Variants in ACTR3C observed in about 807,000 individuals in gnomAD.
The protein encoded by ACTR3C is actin-related protein 3C.
A neutral mutation model predicts 26.3 loss-of-function variants in ACTR3C; 18 were observed. The observed-to-expected ratio is 0.68, with a 90% CI of 0.47 to 1.01. ACTR3C has a LOEUF of 1.01. Among genes scored for constraint, ACTR3C ranks in the 50% least tolerant of loss-of-function variants. The pLI is 0.00. For missense variants in ACTR3C, 184 were observed against 250.7 expected (o/e 0.73, Z 1.80); for synonymous variants, 55 against 94.5 (o/e 0.58, Z 2.42).
the ACTR3C span, among the ~76,000 whole-genome samples, chr7:149,929,688 A>T: frequency 6.6e-6 from 1 of 151,554 alleles, no homozygotes; most frequent in Admixed American, 6.6e-5. Flanking sequence ...GCACCACCAC[A>T]CCCAGCTAAT....
chr7:150,300,277 G>A (rs1311507508), intron 1 of ACTR3C, among the ~76,000 whole-genome samples: 6 of 152,044 alleles, frequency 3.9e-5, no homozygotes, highest in South Asian at 2.1e-4. Flanking sequence ...GCTTGAACCC[G>A]GGAGGCGGAG....
At chr7:150,005,989 C>G in the ACTR3C span, among the ~76,000 whole-genome samples, 2 of 152,062 alleles carry the variant, frequency 1.3e-5, no homozygotes, top group Admixed American at 6.5e-5. Flanking sequence ...TACGTAAGCC[C>G]TTGGCTGCTG....
chr7:150,111,331 G>C, the ACTR3C span, among the ~76,000 whole-genome samples: 1 of 107,176 alleles, frequency 9.3e-6, no homozygotes, highest in African/African-American at 4.5e-5. Flanking sequence ...CTGGTGCCCT[G>C]CTCCCAGGAC....
At chr7:150,295,043 G>A (rs926872550) in intron 2 of ACTR3C, among the ~76,000 whole-genome samples, 10 of 152,050 alleles carry the variant, frequency 6.6e-5, no homozygotes, top group Admixed American at 2.6e-4. Flanking sequence ...AGAGCCAGAC[G>A]ACGTCTATAC....
At chr7:150,278,434 A>T (rs1835060090) in intron 6 of ACTR3C, among the ~76,000 whole-genome samples, 1 of 152,236 alleles carries the variant, frequency 6.6e-6, no homozygotes, top group Non-Finnish European at 1.5e-5. Context: ...ACCATTGGAG[A>T]GCACGGACTC....
chr7:149,982,544 A>G, the ACTR3C span, among the ~76,000 whole-genome samples: 1 of 152,136 alleles, frequency 6.6e-6, no homozygotes, highest in African/African-American at 2.4e-5. Flanking sequence ...AAGAGTCAGA[A>G]AGCTTAAGCA....
the ACTR3C span, among the ~76,000 whole-genome samples, chr7:150,130,483 A>G: frequency 4.5e-4 from 68 of 152,328 alleles, no homozygotes; most frequent in Admixed American, 1.3e-3. Flanking sequence ...GCAATGTCCA[A>G]TAATAAACTG....
chr7:150,169,403 A>AAAG, the ACTR3C span, among the ~76,000 whole-genome samples: 18 of 145,354 alleles, frequency 1.2e-4, no homozygotes, highest in Admixed American at 4.0e-4. Flanking sequence ...AAAAAAAAAA[A>AAAG]AAGAAGAAGA....
intron 4 of ACTR3C, among the ~76,000 whole-genome samples, chr7:150,288,527 T>G (rs1436564573): frequency 3.5e-5 from 5 of 142,532 alleles, no homozygotes; most frequent in Admixed American, 6.8e-5. Context: ...GGATTATAGA[T>G]GTGAGCCACT....
At chr7:150,039,730 C>T in the ACTR3C span, among the ~76,000 whole-genome samples, 4 of 135,346 alleles carry the variant, frequency 3.0e-5, no homozygotes, top group Non-Finnish European at 3.3e-5. Context: ...CAGTCCCCAC[C>T]CTCGCGGGGG....
intron 6 of ACTR3C, among the ~76,000 whole-genome samples, chr7:150,249,683 G>A (rs1332644060): frequency 1.3e-5 from 2 of 152,192 alleles, no homozygotes; most frequent in African/African-American, 4.8e-5. Context: ...TCGAACTCCT[G>A]ACCTCAGGTG....
chr7:150,312,135 C>A (rs1318722647), intron 1 of ACTR3C, among the ~76,000 whole-genome samples: 2 of 152,194 alleles, frequency 1.3e-5, no homozygotes, highest in African/African-American at 2.4e-5. Context: ...TGCCTCCACA[C>A]CTGCTAATAT....
At chr7:150,246,390 GGGGTGCAGTGCATCATTAATAGAACA>G (rs931735117), downstream of ACTR3C, 4 of 152,146 alleles carry the variant, frequency 2.6e-5, no homozygotes, top group African/African-American at 7.2e-5. Flanking sequence ...AGACCCTGAT[GGGGTGCAGTGCATCATTAATAGAACA>G]GGGCATAAGG....
chr7:150,004,628 A>C, the ACTR3C span: 1 of 152,188 alleles, frequency 6.6e-6, no homozygotes, highest in East Asian at 1.9e-4. Context: ...GGAAAACCTT[A>C]CAGACACCAC....
chr7:150,280,829 T>TAC lies in ACTR3C; in HGVS notation c.564+3922_564+3923dup, dbSNP rs1554460132. Among the ~76,000 whole-genome samples, 725 of 150,466 alleles carry TAC rather than the reference T, an allele frequency of 4.8e-3. 6 individuals are homozygous for TAC. Among genetic ancestry groups the TAC allele is most frequent in the African/African-American group, 0.015 (598 of 40,468 alleles). ...GTGTGTGTGTGTGTGTATATATATA[T>TAC]ACACACACACACAATTTTTACTTGT... On this transcript the variant is annotated intron_variant, in intron 6 of 7. Transcript: ENST00000683684.
chr7:149,905,344 A>T, the ACTR3C span, among the ~76,000 whole-genome samples: 1 of 151,758 alleles, frequency 6.6e-6, no homozygotes, highest in Non-Finnish European at 1.5e-5. Context: ...TTTAATAAAT[A>T]GTGTTGGGAC....
chr7:150,265,655 T>C (rs1385045681), intron 6 of ACTR3C, among the ~76,000 whole-genome samples: 2 of 152,144 alleles, frequency 1.3e-5, no homozygotes, highest in African/African-American at 2.4e-5. Flanking sequence ...GATGGCACCA[T>C]TACACTCCAC....
At chr7:150,043,095 GC>G in the ACTR3C span, among the ~76,000 whole-genome samples, 4 of 151,372 alleles carry the variant, frequency 2.6e-5, no homozygotes, top group South Asian at 2.1e-4. Flanking sequence ...CTGCCCTTAA[GC>G]TCCGGTAGAT....
At chr7:149,973,154 G>T in the ACTR3C span, among the ~76,000 whole-genome samples, 4 of 152,218 alleles carry the variant, frequency 2.6e-5, no homozygotes, top group African/African-American at 9.6e-5. Context: ...GGTAAGCCCT[G>T]TGAGCAGGCG....
Sources: gnomAD v4.1 joint callset for allele counts (sites outside exome capture counted in the v4.1 genomes callset) on GRCh38, gnomAD v4.1.1 for gene constraint, MANE v1.5 for transcripts, NCBI Gene and HGNC (gene_info 2026-07-23, HGNC 2026-07-21) for gene names.